MDH1B: variants seen among roughly 807,000 people sequenced by gnomAD.
MDH1B encodes malate dehydrogenase 1B.
MDH1B carries 60 observed loss-of-function variants against 61.4 expected under a neutral mutation model. That is an observed-to-expected ratio of 0.98 (90% CI 0.79 to 1.21). MDH1B has a LOEUF of 1.21. MDH1B is among the 50% of genes most tolerant of loss of function. MDH1B has a pLI of 0.00. For synonymous variants in MDH1B, 236 were observed against 218.7 expected (o/e 1.08, Z -0.70); for missense variants, 587 against 632.1 (o/e 0.93, Z 0.76).
chr2:206,743,670 C>A (rs1445209638), intron 9 of MDH1B, among the ~76,000 whole-genome samples: 2 of 152,148 alleles, frequency 1.3e-5, no homozygotes, highest in Non-Finnish European at 2.9e-5. Flanking sequence ...AAATGAAACT[C>A]ATGCTTTTTC....
At chr2:206,759,924 A>G (rs576405646) in intron 2 of MDH1B, among the ~76,000 whole-genome samples, 82 of 152,340 alleles carry the variant, frequency 5.4e-4, no homozygotes, top group African/African-American at 1.9e-3. Context: ...ATGGTAGAGA[A>G]GAGAGGGAGA....
chr2:206,763,928 C>T (rs1232803204), intron 1 of MDH1B, among the ~76,000 whole-genome samples: 1 of 149,178 alleles, frequency 6.7e-6, no homozygotes, highest in South Asian at 2.1e-4. Flanking sequence ...AGAACCCTGC[C>T]CTGTCAGTGT....
Position 206,755,402 on chromosome 2 carries a change from C to A in MDH1B, c.517G>T (p.Ala173Ser). 1 of 1,614,202 alleles carries A rather than the reference C, an allele frequency of 6.2e-7. No homozygotes were observed. The highest frequency in any genetic ancestry group is 8.5e-7 in the Non-Finnish European group (1 of 1,180,042). The change falls in exon 5 of 12, where the codon GCG becomes TCG. Residue 173 changes from alanine to serine, a missense_variant. Ala to Ser is a moderately conservative substitution (Grantham distance 99). Coordinates refer to ENST00000374412, the MANE Select transcript of MDH1B (RefSeq NM_001039845.3). ...ACAAGGCTTTTGAGATGTTCTTCCG[C>A]CTGCTTGTTGTCAAATAGAGTTATG... ...ISITLFDNKQAEEHLKSLVVE... is the reference protein window; with the variant it reads ...ISITLFDNKQSEEHLKSLVVE...
In MDH1B at chr2:206,746,411, G is replaced by A. The variant is rs772109175; in HGVS notation, c.1232C>T (p.Pro411Leu). The A allele has an allele frequency of 3.7e-6, 6 of 1,612,596 alleles. No individual in the cohort carries two copies. The highest frequency in any genetic ancestry group is 2.7e-5 in the African/African-American group (2 of 74,906). Residue 411 changes from proline to leucine, a missense_variant, in exon 8 of 12, where the codon CCG becomes CTG. Pro to Leu is a moderately conservative substitution (Grantham distance 98). Coordinates refer to ENST00000374412, the MANE Select transcript of MDH1B (RefSeq NM_001039845.3). ...GILSEGQFGI[P>L]KGIVFSMPVK... is the part of the protein sequence containing the mutation. ...AGGCATAGAAAAGACGATCCCTTTC[G>A]GAATACCAAACTGGCCTGCAGTGAG...
intron 4 of MDH1B, among the ~76,000 whole-genome samples, chr2:206,756,372 G>A (rs960498542): frequency 4.6e-5 from 7 of 152,068 alleles, no homozygotes; most frequent in African/African-American, 1.7e-4. Context: ...GGTGAGGAAA[G>A]GAGAAGGGGA....
At chr2:206,745,747 T>C in intron 8 of MDH1B, 74 bp from the exon 9 acceptor site, 1 of 1,036,344 alleles carries the variant, frequency 9.6e-7, no homozygotes, top group East Asian at 3.3e-5. Flanking sequence ...TTTTTTTTTT[T>C]TTTGAGACAG....
In MDH1B at chr2:206,739,609, ACT is replaced by A. The variant is rs1204917371; in HGVS notation, c.1510_1511del (p.Leu505Ter). 1.2e-6 allele frequency: 2 copies of A among 1,613,830 alleles called. No homozygotes were observed. Among genetic ancestry groups the A allele is most frequent in the Non-Finnish European group, 1.7e-6 (2 of 1,179,868 alleles). On this transcript the variant is annotated frameshift_variant, in exon 11 of 12. Coordinates refer to ENST00000374412, the MANE Select transcript of MDH1B (RefSeq NM_001039845.3). LOFTEE classifies it low-confidence loss of function (END_TRUNC). ...IPQTTFEKPQ[S>X]LEFLNEFEGK... ...ACCACCTACCATTTAGGAACTCAAG[ACT>A]CTGTGGCTTTTCAAAGGTGGTTTGA... is the stretch of plus-strand genomic sequence containing the variant.
intron 6 of MDH1B, among the ~76,000 whole-genome samples, chr2:206,749,696 C>A (rs539141054): frequency 6.6e-6 from 1 of 152,270 alleles, no homozygotes; most frequent in East Asian, 1.9e-4. Flanking sequence ...TTCACATACA[C>A]CTTATACACA....
At chr2:206,755,692 TC>T (rs1361497467) in intron 4 of MDH1B, among the ~76,000 whole-genome samples, 187 bp from the exon 5 acceptor site, 1 of 152,070 alleles carries the variant, frequency 6.6e-6, no homozygotes. Flanking sequence ...TCACTACCAA[TC>T]CCTTGCTCTG....
chr2:206,755,619 T>C, intron 4 of MDH1B, 114 bp from the exon 5 acceptor site: 1 of 1,300,546 alleles, frequency 7.7e-7, no homozygotes, highest in Non-Finnish European at 1.0e-6. Context: ...AATATTTAAA[T>C]AAGCACACAC....
intron 9 of MDH1B, among the ~76,000 whole-genome samples, chr2:206,744,421 G>A (rs1380381126): frequency 7.2e-5 from 11 of 152,124 alleles, no homozygotes; most frequent in Non-Finnish European, 1.5e-5. Flanking sequence ...AAAGCCCTTT[G>A]CATAAATAAA....
At chr2:206,756,660 A>T in intron 4 of MDH1B, 1 of 479,000 alleles carries the variant, frequency 2.1e-6, no homozygotes, top group Non-Finnish European at 3.7e-6. Context: ...AGTTGTTTTT[A>T]GACCAAGTGA....
At chr2:206,740,404 A>G (rs1322667530) in intron 10 of MDH1B, among the ~76,000 whole-genome samples, 3 of 152,220 alleles carry the variant, frequency 2.0e-5, no homozygotes, top group African/African-American at 7.2e-5. Flanking sequence ...ATGGATCATC[A>G]TAAGGTTCTT....
chr2:206,755,409 GT>G lies in MDH1B; in HGVS notation c.509del (p.Asn170ThrfsTer73). The G allele has an allele frequency of 6.2e-7, 1 of 1,614,214 alleles. No homozygotes were observed. Among genetic ancestry groups the G allele is most frequent in the Non-Finnish European group, 8.5e-7 (1 of 1,180,042 alleles). On this transcript the variant is annotated frameshift_variant, in exon 5 of 12. Transcript: ENST00000374412. LOFTEE classifies it high-confidence loss of function. ...HTEISITLFD[N>X]KQAEEHLKSL... ...TTTTGAGATGTTCTTCCGCCTGCTT[GT>G]TGTCAAATAGAGTTATGCTAATTTC...
Position 206,738,587 on chromosome 2 carries a change from TG to T in MDH1B, c.1529-77del, listed in dbSNP as rs1464695523. On this transcript the variant is annotated intron_variant, in intron 11 of 11. Transcript: ENST00000374412. Reference sequence around the variant, plus strand: ...TAGCATATGTTATTATTAGCTTTTTTGTTTGCTGGATTCCTGTATTCATGAT... The same window carrying T: ...TAGCATATGTTATTATTAGCTTTTTTTTTGCTGGATTCCTGTATTCATGAT... 11 of 1,058,818 alleles carry T rather than the reference TG, an allele frequency of 1.0e-5. No homozygotes were observed. In the African/African-American group the frequency reaches 1.6e-4, roughly 16 times the overall value. 65.6% of individuals were successfully genotyped at this position (1,058,818 alleles called of 1,614,324 possible).
At chr2:206,763,133 G>T (rs1314043022) in intron 1 of MDH1B, among the ~76,000 whole-genome samples, 1 of 151,542 alleles carries the variant, frequency 6.6e-6, no homozygotes, top group Non-Finnish European at 1.5e-5. Context: ...GATGTATTTT[G>T]TCACCATTCC....
At chr2:206,748,012 C>A (rs1236809095) in intron 7 of MDH1B, among the ~76,000 whole-genome samples, 2 of 152,104 alleles carry the variant, frequency 1.3e-5, no homozygotes, top group South Asian at 2.1e-4. Flanking sequence ...AAAGTAGAAC[C>A]CAAAGGGAAG....
chr2:206,758,960 TTTG>T (rs200841668), intron 2 of MDH1B, among the ~76,000 whole-genome samples: 17,397 of 149,422 alleles, frequency 0.12, 1,378 homozygotes, highest in African/African-American at 0.24. Flanking sequence ...GCCAAGGCTG[TTTG>T]TTTTTTTTTT....
At chr2:206,764,299 A>G (rs1031745387) in intron 1 of MDH1B, among the ~76,000 whole-genome samples, 1 of 147,676 alleles carries the variant, frequency 6.8e-6, no homozygotes, top group African/African-American at 2.5e-5. Flanking sequence ...GCCTGTCTCA[A>G]AAAAAAAAAA....
Sources: gnomAD v4.1 joint callset for allele counts (sites outside exome capture counted in the v4.1 genomes callset) on GRCh38, gnomAD v4.1.1 for gene constraint, MANE v1.5 for transcripts, NCBI Gene and HGNC (gene_info 2026-07-23, HGNC 2026-07-21) for gene names.